SLC14A2: variants seen among roughly 807,000 people sequenced by gnomAD.
The protein encoded by SLC14A2 is solute carrier family 14 member 2, also known as urea transporter 2.
A neutral mutation model predicts 104.6 loss-of-function variants in SLC14A2; 91 were observed. That is an observed-to-expected ratio of 0.87 (90% CI 0.73 to 1.04). The LOEUF (loss-of-function observed/expected upper bound fraction) is 1.04. Among genes scored for constraint, SLC14A2 ranks in the 50% least tolerant of loss-of-function variants. The pLI, the probability that SLC14A2 is intolerant of heterozygous loss-of-function variation, is 0.00. For synonymous variants in SLC14A2, 476 were observed against 466.4 expected, an observed-to-expected ratio of 1.02 and a Z score of -0.27; for missense variants, 1,189 against 1,156.0, an observed-to-expected ratio of 1.03 and a Z score of -0.41.
intron 10 of SLC14A2, among the ~76,000 whole-genome samples, chr18:45,651,992 T>A (rs2045746533): frequency 6.6e-6 from 1 of 152,234 alleles, no homozygotes; most frequent in Non-Finnish European, 1.5e-5. Flanking sequence ...CCCTCTAAGA[T>A]CTGCCTGTCA....
At position 45,426,544 on chromosome 18, in the gene SLC14A2, A is replaced by ATG. The variant is rs138158754; in HGVS notation, c.-124-56669_-124-56668dup. ...ACAAGCAGAGCCGAATGAGATCAGC[A>ATG]TGTGTGTGTGTGTGTGTGTGTATAC... is the stretch of plus-strand genomic sequence containing the variant. On this transcript the variant is annotated intron_variant, in intron 1 of 20. Coordinates refer to the SLC14A2 transcript ENST00000586448. Among the ~76,000 whole-genome samples the ATG allele has an allele frequency of 6.0e-3, 791 of 131,140 alleles. 6 individuals carry two copies. The highest frequency in any genetic ancestry group is 0.025 in the African/African-American group (718 of 28,300). The allele number at this position is 131,140 out of a possible 152,430, so 86.0% of individuals were successfully genotyped here. A position where few individuals can be genotyped will look rare whatever the true frequency, so the allele number is the denominator to read the frequency against.
chr18:45,325,955 T>G (rs1182171729), intron 1 of SLC14A2, among the ~76,000 whole-genome samples: 1 of 152,128 alleles, frequency 6.6e-6, no homozygotes, highest in Non-Finnish European at 1.5e-5. Context: ...CGCCAAGTGA[T>G]TTCAAAGAAC....
At chr18:45,662,238 G>T (rs2045947670) in intron 10 of SLC14A2, among the ~76,000 whole-genome samples, 1 of 152,144 alleles carries the variant, frequency 6.6e-6, no homozygotes, top group African/African-American at 2.4e-5. Context: ...GGAGGTGGAG[G>T]TTGTAATGAG....
At chr18:45,679,743 T>C (rs993648947) in intron 19 of SLC14A2, among the ~76,000 whole-genome samples, 1 of 152,156 alleles carries the variant, frequency 6.6e-6, no homozygotes, top group African/African-American at 2.4e-5. Flanking sequence ...TTAGTAAAAA[T>C]GGGTGGCTTG....
Position 45,678,974 on chromosome 18 carries a change from G to A in SLC14A2, c.2513-1G>A. The A allele has an allele frequency of 7.3e-7, 1 of 1,366,076 alleles. No homozygotes were observed. The allele number at this position is 1,366,076 out of a possible 1,614,324, so 84.6% of individuals were successfully genotyped here. A position where few individuals can be genotyped will look rare whatever the true frequency, so the allele number is the denominator to read the frequency against. On this transcript the variant is annotated splice_acceptor_variant, in intron 18 of 19. Coordinates refer to ENST00000255226, the MANE Select transcript of SLC14A2 (RefSeq NM_007163.4). LOFTEE classifies it high-confidence loss of function. ...TCTTTCTTTTTTTTTTTTTTTTCTA[G>A]CACTGTTTGCTGCCTACCTGGGTGC...
chr18:45,581,815 A>G (rs1193985664), intron 2 of SLC14A2, among the ~76,000 whole-genome samples: 1 of 152,158 alleles, frequency 6.6e-6, no homozygotes, highest in Non-Finnish European at 1.5e-5. Flanking sequence ...GAGCAGCACT[A>G]CTTCTAAGAT....
rs1391276661 is a variant in SLC14A2, at chr18:45,604,382, C to A, written c.-34-20249C>A. Reference sequence around the variant, plus strand: ...ACATAATATTTACCATTTTAAAATTCTAAGTAAATATCTGACAATATCCAG... The same window carrying A: ...ACATAATATTTACCATTTTAAAATTATAAGTAAATATCTGACAATATCCAG... On this transcript the variant is annotated intron_variant, in intron 2 of 20. Coordinates refer to the SLC14A2 transcript ENST00000586448. Among the ~76,000 whole-genome samples, 4 of 152,172 alleles carry A rather than the reference C, an allele frequency of 2.6e-5. No individual in the cohort carries two copies. In the South Asian group the frequency reaches 8.3e-4, roughly 32 times the overall value.
chr18:45,389,650 C>T (rs907666020), intron 1 of SLC14A2, among the ~76,000 whole-genome samples: 12 of 152,130 alleles, frequency 7.9e-5, no homozygotes, highest in African/African-American at 2.7e-4. Flanking sequence ...CTAAAAGGTG[C>T]TTTATATTTG....
intron 1 of SLC14A2, among the ~76,000 whole-genome samples, chr18:45,440,804 C>T (rs1309473581): frequency 2.6e-5 from 4 of 152,156 alleles, no homozygotes; most frequent in African/African-American, 9.7e-5. Flanking sequence ...TAAAGGGAAA[C>T]GGCTGTTGCT....
chr18:45,239,344 T>C (rs1012970409), intron 1 of SLC14A2, among the ~76,000 whole-genome samples: 1 of 152,228 alleles, frequency 6.6e-6, no homozygotes, highest in Admixed American at 6.5e-5. Flanking sequence ...AAGATTTTGG[T>C]AGCTTTGTTG....
At chr18:45,500,739 A>G (rs2852272) in intron 2 of SLC14A2, among the ~76,000 whole-genome samples, 148,856 of 152,262 alleles carry the variant, frequency 0.98, 72,848 homozygotes, top group Middle Eastern at 1. Flanking sequence ...CCCAGCCAAG[A>G]CTCAGAATAT....
chr18:45,446,321 A>G (rs1318337997), intron 1 of SLC14A2, among the ~76,000 whole-genome samples: 1 of 152,162 alleles, frequency 6.6e-6, no homozygotes, highest in African/African-American at 2.4e-5. Context: ...TTAGGTTAAG[A>G]TGTGGTCATT....
intron 1 of SLC14A2, among the ~76,000 whole-genome samples, chr18:45,413,026 C>A (rs1009386386): frequency 2.6e-5 from 4 of 152,034 alleles, no homozygotes; most frequent in African/African-American, 9.7e-5. Context: ...TAAGGTTGTC[C>A]GTTTTTCATT....
At chr18:45,521,777 T>C (rs2043520191) in intron 2 of SLC14A2, among the ~76,000 whole-genome samples, 1 of 152,038 alleles carries the variant, frequency 6.6e-6, no homozygotes. Context: ...AATCAGAATC[T>C]CTGGAGCTGG....
At chr18:45,524,642 A>T (rs2043565623) in intron 2 of SLC14A2, among the ~76,000 whole-genome samples, 1 of 152,244 alleles carries the variant, frequency 6.6e-6, no homozygotes, top group Non-Finnish European at 1.5e-5. Flanking sequence ...TTGGCATTTC[A>T]TTCTTCTTAG....
At chr18:45,413,704 G>T (rs987702602) in intron 1 of SLC14A2, among the ~76,000 whole-genome samples, 11 of 152,200 alleles carry the variant, frequency 7.2e-5, no homozygotes, top group Admixed American at 3.3e-4. Flanking sequence ...CTTTCTGCCA[G>T]TGCTGAGCCA....
intron 2 of SLC14A2, among the ~76,000 whole-genome samples, chr18:45,572,820 G>C (rs557496122): frequency 9.2e-5 from 14 of 152,276 alleles, no homozygotes; most frequent in African/African-American, 3.4e-4. Flanking sequence ...AAGATTTCTC[G>C]ATTGTGCAAC....
chr18:45,309,173 C>T (rs2085053478), intron 1 of SLC14A2, among the ~76,000 whole-genome samples: 1 of 152,150 alleles, frequency 6.6e-6, no homozygotes, highest in Admixed American at 6.5e-5. Context: ...TTCACATGGT[C>T]AGATGCTCCA....
At chr18:45,511,748 T>C (rs2043368509) in intron 2 of SLC14A2, among the ~76,000 whole-genome samples, 1 of 152,146 alleles carries the variant, frequency 6.6e-6, no homozygotes, top group African/African-American at 2.4e-5. Flanking sequence ...TTTCTACCCA[T>C]AGGAGTTCTT....
Sources: gnomAD v4.1 joint callset for allele counts (sites outside exome capture counted in the v4.1 genomes callset) on GRCh38, gnomAD v4.1.1 for gene constraint, MANE v1.5 for transcripts, NCBI Gene and HGNC (gene_info 2026-07-23, HGNC 2026-07-21) for gene names.